PTK2: variants seen among roughly 807,000 people sequenced by gnomAD.
The protein encoded by PTK2 is focal adhesion kinase 1.
In PTK2, 45 loss-of-function variants were observed where a neutral mutation model predicts 150.1. That is an observed-to-expected ratio of 0.30 (90% confidence interval 0.24 to 0.38). The LOEUF (loss-of-function observed/expected upper bound fraction) is 0.38. Ranked by LOEUF, PTK2 falls within the 10% of genes least tolerant of loss-of-function variation. PTK2 has a pLI of 1.00. For missense variants in PTK2, 919 were observed against 1,307.3 expected, an observed-to-expected ratio of 0.70 and a Z score of 4.58; for synonymous variants, 432 against 449.2, an observed-to-expected ratio of 0.96 and a Z score of 0.48.
chr8:140,872,299 C>A (rs1289875857), intron 4 of PTK2, among the ~76,000 whole-genome samples: 2 of 152,154 alleles, frequency 1.3e-5, no homozygotes, highest in African/African-American at 4.8e-5. Flanking sequence ...CCTGCCTCAG[C>A]CTCCCAAAGT....
chr8:140,800,909 A>G (rs2100094671), intron 11 of PTK2, among the ~76,000 whole-genome samples: 1 of 152,210 alleles, frequency 6.6e-6, no homozygotes, highest in African/African-American at 2.4e-5. Flanking sequence ...ACAATCAGTA[A>G]GTTAAAGTAT....
At chr8:140,814,632 G>C (rs1359097172) in intron 10 of PTK2, among the ~76,000 whole-genome samples, 2 of 152,124 alleles carry the variant, frequency 1.3e-5, no homozygotes, top group African/African-American at 4.8e-5. Flanking sequence ...ACACCTCAAT[G>C]AACTAGGCAT....
intron 14 of PTK2, among the ~76,000 whole-genome samples, chr8:140,776,296 C>T (rs543621948): frequency 2.0e-5 from 3 of 152,380 alleles, no homozygotes; most frequent in South Asian, 4.1e-4. Flanking sequence ...AGCCACCATA[C>T]CTGGCCAATA....
chr8:140,961,872 C>T (rs2154609399), intron 1 of PTK2, among the ~76,000 whole-genome samples: 1 of 151,974 alleles, frequency 6.6e-6, no homozygotes, highest in East Asian at 1.9e-4. Context: ...GAGGTTTATC[C>T]CTTCAACCAT....
chr8:140,757,149 T>C (rs2100066338), intron 16 of PTK2, among the ~76,000 whole-genome samples: 1 of 152,210 alleles, frequency 6.6e-6, no homozygotes, highest in Non-Finnish European at 1.5e-5. Flanking sequence ...CTGGGAACTT[T>C]AGAATGCTTA....
intron 26 of PTK2, among the ~76,000 whole-genome samples, chr8:140,699,538 A>G (rs1398971704): frequency 6.6e-6 from 1 of 152,214 alleles, no homozygotes; most frequent in African/African-American, 2.4e-5. Context: ...TCCCATGCAT[A>G]TGTCCAGACA....
At chr8:140,734,568 T>C (rs1271856349) in intron 22 of PTK2, 1 of 361,392 alleles carries the variant, frequency 2.8e-6, no homozygotes, top group African/African-American at 2.1e-5. Flanking sequence ...CATGCTTCTC[T>C]GAGGGATTCA....
At chr8:140,789,303 G>A (rs1017386733) in intron 14 of PTK2, among the ~76,000 whole-genome samples, 171 bp downstream of exon 14, 16 of 149,354 alleles carry the variant, frequency 1.1e-4, no homozygotes, top group Non-Finnish European at 3.0e-5. Context: ...AAAAAACTAT[G>A]AGCCATACTT....
At chr8:140,797,467 A>C (rs2100092381) in intron 12 of PTK2, among the ~76,000 whole-genome samples, 1 of 152,216 alleles carries the variant, frequency 6.6e-6, no homozygotes, top group South Asian at 2.1e-4. Context: ...ATGTAATTAA[A>C]TGTAACAGTT....
chr8:140,743,470 G>A (rs2100056881), intron 19 of PTK2, 140 bp from the exon 23 acceptor site: 4 of 494,296 alleles, frequency 8.1e-6, no homozygotes, highest in Non-Finnish European at 1.4e-5. Context: ...TTTATTATAG[G>A]ATATATATAA....
chr8:140,985,011 T>C (rs1467418611), intron 1 of PTK2, among the ~76,000 whole-genome samples: 1 of 151,794 alleles, frequency 6.6e-6, no homozygotes, highest in African/African-American at 2.4e-5. Flanking sequence ...TGGTACTCTG[T>C]GAGCTAGAAT....
intron 17 of PTK2, among the ~76,000 whole-genome samples, chr8:140,748,948 A>T (rs1593613215): frequency 6.6e-6 from 1 of 152,368 alleles, no homozygotes; most frequent in Admixed American, 6.5e-5. Context: ...AAGCAAGGAA[A>T]TTAGAATAAC....
chr8:140,694,101 C>G (rs558167563), intron 26 of PTK2, among the ~76,000 whole-genome samples: 1 of 147,166 alleles, frequency 6.8e-6, no homozygotes, highest in African/African-American at 2.5e-5. Context: ...AGTGCAGTGG[C>G]GCGATCTCGG....
At chr8:140,728,766 C>G (rs2100047418) in intron 22 of PTK2, among the ~76,000 whole-genome samples, 1 of 152,182 alleles carries the variant, frequency 6.6e-6, no homozygotes, top group East Asian at 1.9e-4. Context: ...GGTGATCCAC[C>G]TGCCTTGGCC....
In PTK2 at chr8:140,989,197, G is replaced by A. The variant is rs572251929; in HGVS notation, c.-122+11928C>T. ...GTTTGAGACTAGCCTGGGCAACATA[G>A]GAAGACCCTGTCTCTAAAAAAAAAA... On this transcript the variant is annotated intron_variant, in intron 1 of 31. Coordinates refer to ENST00000522684, the Ensembl canonical transcript of PTK2. Among the ~76,000 whole-genome samples the A allele has an allele frequency of 3.4e-3, 342 of 101,344 alleles. 2 individuals carry two copies. The highest frequency in any genetic ancestry group is 0.012 in the Middle Eastern group (1 of 86). 66.5% of individuals were successfully genotyped at this position (101,344 alleles called of 152,430 possible).
At chr8:140,772,699 G>GA (rs370423547) in intron 14 of PTK2, among the ~76,000 whole-genome samples, 4,352 of 151,838 alleles carry the variant, frequency 0.029, 220 homozygotes, top group African/African-American at 0.1. Context: ...ATGGTTCAAG[G>GA]AAAAAACTAA....
intron 7 of PTK2, among the ~76,000 whole-genome samples, chr8:140,841,934 T>C (rs1027618257): frequency 6.6e-6 from 1 of 151,608 alleles, no homozygotes; most frequent in Non-Finnish European, 1.5e-5. Context: ...CTGAACTGAA[T>C]GTCCACTATT....
intron 1 of PTK2, among the ~76,000 whole-genome samples, chr8:140,980,323 T>C (rs1356002777): frequency 6.6e-6 from 1 of 152,074 alleles, no homozygotes; most frequent in Non-Finnish European, 1.5e-5. Context: ...ATGATACCCT[T>C]AGTATAAAGT....
intron 26 of PTK2, among the ~76,000 whole-genome samples, chr8:140,694,987 T>A (rs1026713331): frequency 6.6e-6 from 1 of 152,206 alleles, no homozygotes; most frequent in Non-Finnish European, 1.5e-5. Context: ...AAGCTTTCCA[T>A]GCGGCTGTCT....
Sources: allele counts gnomAD v4.1 joint callset (sites outside exome capture counted in the v4.1 genomes callset), GRCh38; gene constraint gnomAD v4.1.1; transcripts MANE v1.5; gene names NCBI Gene and HGNC (gene_info 2026-07-23, HGNC 2026-07-21).